ANTXR1: variants seen among roughly 807,000 people sequenced by gnomAD.
ANTXR1 encodes ANTXR cell adhesion molecule 1.
ANTXR1 carries 19 observed loss-of-function variants against 78.1 expected under a neutral mutation model. That is an observed-to-expected ratio of 0.24 (90% CI 0.17 to 0.36). ANTXR1 has a LOEUF of 0.36. Among genes scored for constraint, ANTXR1 ranks in the 10% least tolerant of loss-of-function variants. ANTXR1 has a pLI of 1.00. For synonymous variants in ANTXR1, 273 were observed against 260.5 expected, an observed-to-expected ratio of 1.05 and a Z score of -0.46; for missense variants, 518 against 718.6, an observed-to-expected ratio of 0.72 and a Z score of 3.19.
chr2:69,138,862 A>G (rs1672991909), intron 12 of ANTXR1, among the ~76,000 whole-genome samples: 1 of 152,216 alleles, frequency 6.6e-6, no homozygotes, highest in Non-Finnish European at 1.5e-5. Context: ...CTGAGGAAAT[A>G]TGAAAGAGCA....
intron 17 of ANTXR1, among the ~76,000 whole-genome samples, chr2:69,204,940 C>T (rs938625821): frequency 6.6e-6 from 1 of 152,194 alleles, no homozygotes; most frequent in African/African-American, 2.4e-5. Context: ...ACCACCAACA[C>T]TGTGTCTAGG....
intron 2 of ANTXR1, among the ~76,000 whole-genome samples, chr2:69,043,842 G>A (rs1669679232): frequency 6.6e-6 from 1 of 152,186 alleles, no homozygotes; most frequent in African/African-American, 2.4e-5. Flanking sequence ...AGGATCCTAA[G>A]CTAAGATACG....
chr2:69,082,995 G>A (rs1399187329), intron 8 of ANTXR1, among the ~76,000 whole-genome samples: 1 of 152,210 alleles, frequency 6.6e-6, no homozygotes, highest in Non-Finnish European at 1.5e-5. Flanking sequence ...GAAACTGTGA[G>A]ATCAACGGAA....
At chr2:69,189,800 A>G (rs1211373672) in intron 16 of ANTXR1, among the ~76,000 whole-genome samples, 1 of 152,238 alleles carries the variant, frequency 6.6e-6, no homozygotes, top group African/African-American at 2.4e-5. Context: ...TGGTGCCATG[A>G]ATCAAGGCAG....
intron 17 of ANTXR1, among the ~76,000 whole-genome samples, chr2:69,203,960 G>A (rs981906551): frequency 1.3e-5 from 2 of 152,134 alleles, no homozygotes; most frequent in African/African-American, 4.8e-5. Flanking sequence ...CAAATTCTCC[G>A]ACCTCATTTT....
At chr2:69,172,522 G>A (rs1458584460) in intron 14 of ANTXR1, 1 of 1,427,160 alleles carries the variant, frequency 7.0e-7, no homozygotes, top group Non-Finnish European at 9.1e-7. Context: ...TCAAATCCCA[G>A]TGTCTAACAT....
At chr2:69,055,911 T>C (rs1670053696) in intron 3 of ANTXR1, among the ~76,000 whole-genome samples, 1 of 152,200 alleles carries the variant, frequency 6.6e-6, no homozygotes, top group East Asian at 1.9e-4. Context: ...GTGCATGTAA[T>C]TGCACTTCTC....
chr2:69,217,359 G>T (rs906022170), intron 17 of ANTXR1, among the ~76,000 whole-genome samples: 3 of 152,204 alleles, frequency 2.0e-5, no homozygotes, highest in African/African-American at 7.2e-5. Flanking sequence ...CCTATTGCAA[G>T]TGCACAATGT....
chr2:69,127,140 A>G (rs1238202473), intron 12 of ANTXR1, among the ~76,000 whole-genome samples: 2 of 152,242 alleles, frequency 1.3e-5, no homozygotes, highest in African/African-American at 4.8e-5. Flanking sequence ...TAAACAAACT[A>G]CATGCTATGG....
At chr2:69,105,331 G>A (rs1281004917) in intron 10 of ANTXR1, among the ~76,000 whole-genome samples, 4 of 152,162 alleles carry the variant, frequency 2.6e-5, no homozygotes, top group East Asian at 1.9e-4. Flanking sequence ...TCACAAACCC[G>A]TGCCTTTAGC....
chr2:69,084,891 T>C lies in ANTXR1; in HGVS notation c.643-5968T>C, dbSNP rs58793134. Among the ~76,000 whole-genome samples, 1,237 of 147,084 alleles carry C rather than the reference T, an allele frequency of 8.4e-3. 19 individuals are homozygous for C. Among genetic ancestry groups the C allele is most frequent in the African/African-American group, 0.03 (1,163 of 39,356 alleles). ...TTTTTGAGGCAGAGTCTCGCTCTGT[T>C]GCCCAGGCTGGAGTGCAGTGGCGCT... On this transcript the variant is annotated intron_variant, in intron 8 of 17. Coordinates refer to ENST00000303714, the MANE Select transcript of ANTXR1 (RefSeq NM_032208.3).
At chr2:69,098,955 C>A (rs1158747060) in intron 9 of ANTXR1, among the ~76,000 whole-genome samples, 1 of 148,020 alleles carries the variant, frequency 6.8e-6, no homozygotes, top group Non-Finnish European at 1.5e-5. Flanking sequence ...CACTGCACTC[C>A]AGCCTAGGTG....
intron 17 of ANTXR1, among the ~76,000 whole-genome samples, chr2:69,234,989 TA>T (rs551827542): frequency 0.07 from 4,731 of 67,706 alleles, 307 homozygotes; most frequent in African/African-American, 0.21. Flanking sequence ...ATAACATAAC[TA>T]AAAAAAAAAA....
chr2:69,121,940 T>C (rs78785178), intron 10 of ANTXR1, among the ~76,000 whole-genome samples: 8,352 of 152,252 alleles, frequency 0.055, 766 homozygotes, highest in African/African-American at 0.19. Context: ...GGTCATCCAT[T>C]AGAAGAAGCA....
intron 13 of ANTXR1, among the ~76,000 whole-genome samples, chr2:69,160,575 A>G (rs918007847): frequency 1.3e-5 from 2 of 152,180 alleles, no homozygotes; most frequent in Non-Finnish European, 2.9e-5. Context: ...AGGAGTTTTT[A>G]TATGATACAA....
At chr2:69,153,988 G>C (rs1673464389) in intron 13 of ANTXR1, among the ~76,000 whole-genome samples, 1 of 152,054 alleles carries the variant, frequency 6.6e-6, no homozygotes, top group Non-Finnish European at 1.5e-5. Flanking sequence ...ATATATATGT[G>C]CTTAGAAAGC....
chr2:69,198,307 G>A (rs773120494), intron 17 of ANTXR1, among the ~76,000 whole-genome samples: 1 of 152,068 alleles, frequency 6.6e-6, no homozygotes, highest in African/African-American at 2.4e-5. Context: ...ATTGATAGGT[G>A]CTAATTTGTA....
chr2:69,189,592 G>A (rs1323955050), intron 16 of ANTXR1, among the ~76,000 whole-genome samples: 1 of 152,248 alleles, frequency 6.6e-6, no homozygotes, highest in Admixed American at 6.5e-5. Context: ...CCCAGAATGA[G>A]TGACAGATGA....
In ANTXR1 at chr2:69,044,727, T is replaced by G. The variant is rs762007546; in HGVS notation, c.225-15T>G. On this transcript the variant is annotated splice_polypyrimidine_tract_variant and intron_variant, in intron 2 of 17. Transcript: ENST00000303714. ...TCTTATTGTCTGTCCTAATAGAGCT[T>G]CTTTTCCTTTCCAGCCCACAGTTGA... 1 of 1,613,658 alleles carries G rather than the reference T, an allele frequency of 6.2e-7. No homozygotes were observed. Among genetic ancestry groups the G allele is most frequent in the South Asian group, 1.1e-5 (1 of 91,076 alleles).
Sources: allele counts gnomAD v4.1 joint callset (sites outside exome capture counted in the v4.1 genomes callset), GRCh38; gene constraint gnomAD v4.1.1; transcripts MANE v1.5; gene names NCBI Gene and HGNC (gene_info 2026-07-23, HGNC 2026-07-21).